ANO4: variants seen among roughly 807,000 people sequenced by gnomAD.
ANO4 encodes anoctamin 4.
ANO4 carries 69 observed loss-of-function variants against 141.9 expected under a neutral mutation model. The ratio of observed to expected loss-of-function variants is 0.49; its 90% CI spans 0.40 to 0.59. ANO4 has a LOEUF of 0.59. Ranked by LOEUF, ANO4 falls within the 20% of genes least tolerant of loss-of-function variation. The pLI is 0.00. For synonymous variants in ANO4, 350 were observed against 394.3 expected, an observed-to-expected ratio of 0.89 and a Z score of 1.33; for missense variants, 894 against 1,162.2, an observed-to-expected ratio of 0.77 and a Z score of 3.36.
chr12:100,937,041 T>G (rs746316879), intron 3 of ANO4, among the ~76,000 whole-genome samples: 3 of 152,180 alleles, frequency 2.0e-5, no homozygotes, highest in Non-Finnish European at 4.4e-5. Flanking sequence ...GCTTGAAAAT[T>G]TAATCACATT....
chr12:100,870,846 A>G (rs2038997062), intron 1 of ANO4, among the ~76,000 whole-genome samples: 1 of 152,188 alleles, frequency 6.6e-6, no homozygotes, highest in Non-Finnish European at 1.5e-5. Flanking sequence ...CCATAAGTTA[A>G]TAGTATAGGC....
intron 1 of ANO4, among the ~76,000 whole-genome samples, chr12:100,843,234 A>G (rs751776601): frequency 2.0e-5 from 3 of 152,188 alleles, no homozygotes; most frequent in Admixed American, 1.3e-4. Flanking sequence ...TTAGTCCTCA[A>G]TAATTGCTAG....
chr12:101,011,164 C>T (rs1463983473), intron 8 of ANO4, among the ~76,000 whole-genome samples: 1 of 152,038 alleles, frequency 6.6e-6, no homozygotes, highest in African/African-American at 2.4e-5. Flanking sequence ...GCTGCAGAAC[C>T]TATGCCAAAA....
intron 1 of ANO4, among the ~76,000 whole-genome samples, chr12:100,845,971 AAC>A (rs2037537469): frequency 6.6e-6 from 1 of 152,198 alleles, no homozygotes; most frequent in Non-Finnish European, 1.5e-5. Flanking sequence ...GCTTTGGAGT[AAC>A]ACAGACCTGG....
intron 1 of ANO4, among the ~76,000 whole-genome samples, chr12:100,810,264 G>A (rs1219071200): frequency 6.6e-6 from 1 of 151,816 alleles, no homozygotes; most frequent in African/African-American, 2.4e-5. Flanking sequence ...CAGGGAAATG[G>A]TATCCAAAAG....
intron 1 of ANO4, among the ~76,000 whole-genome samples, chr12:100,835,528 T>C: frequency 6.6e-6 from 1 of 152,158 alleles, no homozygotes; most frequent in East Asian, 1.9e-4. Flanking sequence ...TAAACTACTA[T>C]AAAAGTTTTT....
chr12:100,817,905 G>A (rs1458349468), intron 1 of ANO4, among the ~76,000 whole-genome samples: 1 of 151,728 alleles, frequency 6.6e-6, no homozygotes, highest in Non-Finnish European at 1.5e-5. Context: ...TTGTTTTACA[G>A]TTTCTTTTTT....
intron 25 of ANO4, among the ~76,000 whole-genome samples, chr12:101,118,028 T>C (rs560300900): frequency 6.6e-6 from 1 of 152,108 alleles, no homozygotes; most frequent in Admixed American, 6.6e-5. Flanking sequence ...AAAGACTGGC[T>C]GGAATATAAT....
intron 1 of ANO4, among the ~76,000 whole-genome samples, chr12:100,848,353 G>T (rs2037689750): frequency 6.6e-6 from 1 of 152,030 alleles, no homozygotes; most frequent in Admixed American, 6.5e-5. Context: ...GAGCCTTGAG[G>T]TGTATATATC....
In ANO4 at chr12:101,078,082, T is replaced by A. The variant is rs141805934; in HGVS notation, c.1313-1111T>A. Reference sequence around the variant, plus strand: ...TATGTCTTCAGTGTCTGCATACTACTAAGGAGGAAGTAATGTGTGAACAAG... The same window carrying A: ...TATGTCTTCAGTGTCTGCATACTACAAAGGAGGAAGTAATGTGTGAACAAG... On this transcript the variant is annotated intron_variant, in intron 14 of 27. Transcript: ENST00000392977. 3.2e-3 allele frequency among the ~76,000 whole-genome samples: 483 copies of A among 152,292 alleles called. 6 individuals are homozygous for A. The highest frequency in any genetic ancestry group is 0.014 in the Middle Eastern group (4 of 294).
rs113672274 is a variant in ANO4 at position 100,961,403 on chromosome 12, G to A, written c.457-9903G>A. On this transcript the variant is annotated intron_variant, in intron 5 of 27. Coordinates refer to ENST00000392977, the MANE Select transcript of ANO4 (RefSeq NM_001286615.2). ...ACTTCTGTTCAATGGGCTGGGCACA[G>A]AAGTGTTATGTATCCTTATGAGGCC... Among the ~76,000 whole-genome samples, 653 of 152,330 alleles carry A rather than the reference G, an allele frequency of 4.3e-3. 7 individuals are homozygous for A. The highest frequency in any genetic ancestry group is 0.014 in the African/African-American group (576 of 41,574).
intron 2 of ANO4, among the ~76,000 whole-genome samples, chr12:100,739,505 C>T (rs2031770134): frequency 6.6e-6 from 1 of 152,130 alleles, no homozygotes; most frequent in Non-Finnish European, 1.5e-5. Context: ...TGTGATAGTC[C>T]CCTTGTACAA....
At chr12:100,830,107 A>C (rs1250851979) in intron 1 of ANO4, among the ~76,000 whole-genome samples, 1 of 152,096 alleles carries the variant, frequency 6.6e-6, no homozygotes, top group Non-Finnish European at 1.5e-5. Flanking sequence ...TTGATGCTTA[A>C]GTGAAAGAAT....
At chr12:101,053,730 G>A (rs1198492164) in intron 14 of ANO4, among the ~76,000 whole-genome samples, 1 of 152,180 alleles carries the variant, frequency 6.6e-6, no homozygotes, top group African/African-American at 2.4e-5. Flanking sequence ...CATGTGCACT[G>A]ACCCTACTTC....
At chr12:100,958,991 G>A (rs2043290541) in intron 5 of ANO4, among the ~76,000 whole-genome samples, 1 of 152,150 alleles carries the variant, frequency 6.6e-6, no homozygotes, top group Admixed American at 6.5e-5. Flanking sequence ...TGAAGGTGAT[G>A]TTTGACCAAG....
intron 17 of ANO4, among the ~76,000 whole-genome samples, chr12:101,091,682 A>G (rs1321878399): frequency 6.6e-6 from 1 of 152,168 alleles, no homozygotes; most frequent in Non-Finnish European, 1.5e-5. Flanking sequence ...AAAGGTAATC[A>G]TTATTTAGAC....
intron 1 of ANO4, among the ~76,000 whole-genome samples, chr12:100,820,263 T>C (rs1411081180): frequency 6.6e-6 from 1 of 151,788 alleles, no homozygotes; most frequent in Non-Finnish European, 1.5e-5. Flanking sequence ...CTTACTCCAT[T>C]TTATTACCAA....
intron 1 of ANO4, among the ~76,000 whole-genome samples, chr12:100,720,393 A>G (rs964374617): frequency 6.6e-6 from 1 of 151,856 alleles, no homozygotes; most frequent in Non-Finnish European, 1.5e-5. Flanking sequence ...GGGAAAGAGG[A>G]TTCTTGGCAA....
chr12:101,037,285 G>C, intron 10 of ANO4, 135 bp downstream of exon 10: 1 of 833,560 alleles, frequency 1.2e-6, no homozygotes, highest in East Asian at 2.5e-5. Context: ...TAATTAGGGA[G>C]GGTCTACTTC....
Sources: allele counts gnomAD v4.1 joint callset (sites outside exome capture counted in the v4.1 genomes callset), GRCh38; gene constraint gnomAD v4.1.1; transcripts MANE v1.5; gene names NCBI Gene and HGNC (gene_info 2026-07-23, HGNC 2026-07-21).